Variants in CLSPN observed in about 807,000 individuals in gnomAD.
The protein encoded by CLSPN is claspin.
CLSPN carries 85 observed loss-of-function variants against 156.3 expected under a neutral mutation model. The observed-to-expected ratio is 0.54, with a 90% CI of 0.46 to 0.65. CLSPN has a LOEUF of 0.65. Ranked by LOEUF, CLSPN falls within the 30% of genes least tolerant of loss-of-function variation. The probability of loss-of-function intolerance (pLI) is 0.00; values close to 1 mark genes in which losing one functional copy is unlikely to be tolerated. For missense variants in CLSPN, 1,407 were observed against 1,554.9 expected (o/e 0.90, Z 1.60); for synonymous variants, 534 against 542.4 (o/e 0.98, Z 0.22).
At chr1:35,725,568 C>T (rs566703353) in intron 24 of CLSPN, among the ~76,000 whole-genome samples, 22 of 146,288 alleles carry the variant, frequency 1.5e-4, no homozygotes, top group Admixed American at 1.3e-3. Context: ...CCACCCCATT[C>T]ATCAGTAGGA....
downstream of CLSPN, among the ~76,000 whole-genome samples, chr1:35,728,380 C>G (rs557286633): frequency 3.3e-5 from 5 of 152,236 alleles, no homozygotes; most frequent in South Asian, 1.0e-3. Context: ...CCATGCCTGG[C>G]CCAAAACCAC....
Position 35,764,712 on chromosome 1 carries a change from A to G in CLSPN, c.136T>C (p.Ser46Pro). The G allele has an allele frequency of 6.4e-7, 1 of 1,556,368 alleles. No homozygotes were observed. The highest frequency in any genetic ancestry group is 1.2e-5 in the South Asian group (1 of 81,646). Residue 46 changes from serine to proline, a missense_variant and splice_region_variant, in exon 3 of 25, where the codon TCA (serine) becomes CCA (proline). By Grantham distance (74) the Ser-to-Pro change is moderately conservative. Coordinates refer to ENST00000318121, the MANE Select transcript of CLSPN (RefSeq NM_022111.4). ...ETIGPLSEGD[S>P]DEEIFVSKKL... Reference sequence around the variant, plus strand: ...TTACTTACAAATATCTCTTCATCTGAATCTGGAGGAAACAATTTTCTTTTA... The same window carrying G: ...TTACTTACAAATATCTCTTCATCTGGATCTGGAGGAAACAATTTTCTTTTA...
Position 35,732,505 on chromosome 1 carries a change from A to G in CLSPN, c.*3991T>C. 1 of 985,450 alleles carries G rather than the reference A, an allele frequency of 1.0e-6. No homozygotes were observed. Among genetic ancestry groups the G allele is most frequent in the Non-Finnish European group, 1.2e-6 (1 of 829,926 alleles). The allele number at this position is 985,450 out of a possible 1,614,324, so 61.0% of individuals were successfully genotyped here. Reference sequence around the variant, plus strand: ...TGAATAAAATCTTATGGTTTATGGAAGAGACCCTAGTATGGCTGTGCAACT... The same window carrying G: ...TGAATAAAATCTTATGGTTTATGGAGGAGACCCTAGTATGGCTGTGCAACT... On this transcript the variant is annotated 3_prime_UTR_variant, in exon 25 of 25. Coordinates refer to ENST00000318121, the MANE Select transcript of CLSPN (RefSeq NM_022111.4).
rs34390044 is a variant in CLSPN at position 35,746,946 on chromosome 1, G to C, written c.2674C>G (p.Pro892Ala). The change falls in exon 15 of 25, where the codon CCT becomes GCT. Residue 892 changes from proline to alanine, a missense_variant. Physicochemically the swap from Pro to Ala is conservative, Grantham distance 27 (BLOSUM62 -1). Coordinates refer to ENST00000318121, the MANE Select transcript of CLSPN (RefSeq NM_022111.4). The surrounding 1 kb of genome is among the most constrained non-coding windows in gnomAD (Gnocchi z 4.2). ...NHRNQYQALK[P>A]RLPLASMDEN... ...TCCATACTGGCCAATGGCAATCGAGGCTTCAAAGCTTGGTACTGATTCCTG... is the reference window on the plus strand; with the variant it reads ...TCCATACTGGCCAATGGCAATCGAGCCTTCAAAGCTTGGTACTGATTCCTG... 3 of 1,614,126 alleles carry C rather than the reference G, an allele frequency of 1.9e-6. No homozygotes were observed. The highest frequency in any genetic ancestry group is 1.1e-5 in the South Asian group (1 of 91,078).
chr1:35,740,349 T>A (rs114362376), intron 18 of CLSPN, among the ~76,000 whole-genome samples: 230 of 152,234 alleles, frequency 1.5e-3, no homozygotes, highest in African/African-American at 5.3e-3. Context: ...TGGTCCCATG[T>A]GGTCCAAAAT....
At chr1:35,722,016 G>A (rs1370679950) in intron 24 of CLSPN, among the ~76,000 whole-genome samples, 1 of 151,642 alleles carries the variant, frequency 6.6e-6, no homozygotes, top group African/African-American at 2.4e-5. Flanking sequence ...GTGCGCGTCT[G>A]TAATCCCAGC....
At chr1:35,748,816 AGTTCT>A in intron 12 of CLSPN, 1 of 486,686 alleles carries the variant, frequency 2.1e-6, no homozygotes. Flanking sequence ...GACACTTGAA[AGTTCT>A]TTTTTTTTTT....
downstream of CLSPN, chr1:35,732,094 T>G: frequency 1.1e-6 from 1 of 936,578 alleles, no homozygotes; most frequent in Non-Finnish European, 1.3e-6. Context: ...AGTATCCTCA[T>G]TTTATAAACA....
intron 24 of CLSPN, among the ~76,000 whole-genome samples, chr1:35,726,784 G>A (rs1641201900): frequency 1.3e-5 from 2 of 152,220 alleles, no homozygotes; most frequent in Admixed American, 1.3e-4. Flanking sequence ...CGGACGAGGA[G>A]CAGGGGAAGG....
rs1641372698 is a variant in CLSPN at position 35,733,526 on chromosome 1, G to C, written c.*2970C>G. On this transcript the variant is annotated 3_prime_UTR_variant, in exon 25 of 25. Coordinates refer to ENST00000318121, the MANE Select transcript of CLSPN (RefSeq NM_022111.4). ...AGACATGTAGGGAAACAAGAGGGAA[G>C]AAATATCTAGCCTTCCTGCTCAGTT... 1 of 985,306 alleles carries C rather than the reference G, an allele frequency of 1.0e-6. No individual in the cohort carries two copies. The allele number at this position is 985,306 out of a possible 1,614,324, so 61.0% of individuals were successfully genotyped here. A position where few individuals can be genotyped will look rare whatever the true frequency, so the allele number is the denominator to read the frequency against.
intron 1 of CLSPN, among the ~76,000 whole-genome samples, chr1:35,767,465 T>G (rs1212199695): frequency 6.6e-6 from 1 of 152,154 alleles, no homozygotes; most frequent in Non-Finnish European, 1.5e-5. Context: ...GTTGAACATC[T>G]CTAACCTGAA....
intron 16 of CLSPN, among the ~76,000 whole-genome samples, chr1:35,744,401 A>C (rs575800677): frequency 6.6e-6 from 1 of 152,322 alleles, no homozygotes; most frequent in Admixed American, 6.5e-5. Context: ...TCCCAGGCTC[A>C]AGCAATTCTC....
In CLSPN at chr1:35,749,857, A is replaced by G. The variant is rs772180774; in HGVS notation, c.2029-46T>C. On this transcript the variant is annotated intron_variant, in intron 10 of 24. Transcript: ENST00000318121. ...CAAAACAAAAAATACAAGTCAAAACATTTAAAAGCAAATACACTGGTAGCC... is the reference window on the plus strand; with the variant it reads ...CAAAACAAAAAATACAAGTCAAAACGTTTAAAAGCAAATACACTGGTAGCC... 6.3e-6 allele frequency: 10 copies of G among 1,584,576 alleles called. No individual in the cohort carries two copies. In the South Asian group the frequency reaches 9.3e-5, roughly 15 times the overall value.
chr1:35,736,389 T>C lies in CLSPN; in HGVS notation c.*107A>G. Reference sequence around the variant, plus strand: ...ATTTCTGTCTGCAATCTTATTGCATTGATTATGAAAGAAGGAAGGATCATT... The same window carrying C: ...ATTTCTGTCTGCAATCTTATTGCATCGATTATGAAAGAAGGAAGGATCATT... On this transcript the variant is annotated 3_prime_UTR_variant, in exon 25 of 25. Transcript: ENST00000318121. 1 of 1,442,816 alleles carries C rather than the reference T, an allele frequency of 6.9e-7. No individual in the cohort carries two copies. The highest frequency in any genetic ancestry group is 2.4e-5 in the East Asian group (1 of 41,016). 89.4% of individuals were successfully genotyped at this position (1,442,816 alleles called of 1,614,324 possible).
rs745858228 is a variant in CLSPN at position 35,743,520 on chromosome 1, C to T, written c.2977G>A (p.Asp993Asn). 5 of 1,612,762 alleles carry T rather than the reference C, an allele frequency of 3.1e-6. No individual in the cohort carries two copies. Among genetic ancestry groups the T allele is most frequent in the South Asian group, 1.1e-5 (1 of 91,034 alleles). ...GSFPTDKEEE[D>N]EEEEFGDFRL... is the part of the protein sequence containing the mutation. Reference sequence around the variant, plus strand: ...AAGTCTCCAAATTCCTCCTCCTCGTCTTCCTCTTCCCTAAAATGTAAATCA... The same window carrying T: ...AAGTCTCCAAATTCCTCCTCCTCGTTTTCCTCTTCCCTAAAATGTAAATCA... Residue 993 changes from aspartate to asparagine, a missense_variant, in exon 17 of 25, where the codon GAC becomes AAC. Asp to Asn is a conservative substitution (Grantham distance 23). Around this residue, in one of 3 missense-constraint regions of CLSPN, gnomAD observed 1,096 missense variants for 1,193.0 expected, o/e 0.92. Coordinates refer to ENST00000318121, the MANE Select transcript of CLSPN (RefSeq NM_022111.4).
chr1:35,739,581 A>G lies in CLSPN; in HGVS notation c.3144-52T>C, dbSNP rs569216799. On this transcript the variant is annotated intron_variant, in intron 18 of 24. Coordinates refer to ENST00000318121, the MANE Select transcript of CLSPN (RefSeq NM_022111.4). ...AATGCAACAATGAATATACTCACAGAATATGGAAGCAAAGAAAAGCAGAAC... is the reference window on the plus strand; with the variant it reads ...AATGCAACAATGAATATACTCACAGGATATGGAAGCAAAGAAAAGCAGAAC... 5.1e-6 allele frequency: 7 copies of G among 1,385,146 alleles called. No homozygotes were observed. In the East Asian group the frequency reaches 1.6e-4, roughly 32 times the overall value. 85.8% of individuals were successfully genotyped at this position (1,385,146 alleles called of 1,614,324 possible). A position where few individuals can be genotyped will look rare whatever the true frequency, so the allele number is the denominator to read the frequency against.
Position 35,748,190 on chromosome 1 carries a change from T to C in CLSPN, c.2473-129A>G, listed in dbSNP as rs1326753384. 28 of 1,090,166 alleles carry C rather than the reference T, an allele frequency of 2.6e-5. No individual in the cohort carries two copies. The South Asian group carries it at 4.1e-4, about 16-fold the overall frequency. 67.5% of individuals were successfully genotyped at this position (1,090,166 alleles called of 1,614,324 possible). A position where few individuals can be genotyped will look rare whatever the true frequency, so the allele number is the denominator to read the frequency against. On this transcript the variant is annotated intron_variant, in intron 13 of 24. Coordinates refer to ENST00000318121, the MANE Select transcript of CLSPN (RefSeq NM_022111.4). ...AGGAAATTGTAGTTGAGGGGGACAA[T>C]ACACAGCCATGAGAAGCATAAAGAA...
intron 12 of CLSPN, 131 bp from the exon 13 acceptor site, chr1:35,748,735 C>A: frequency 8.2e-6 from 5 of 606,774 alleles, no homozygotes; most frequent in Non-Finnish European, 1.2e-5. Context: ...TGTTCCAAAA[C>A]ATTAAGTTAA....
chr1:35,726,475 TG>T (rs11294664), intron 24 of CLSPN, among the ~76,000 whole-genome samples: 24,982 of 151,956 alleles, frequency 0.16, 3,388 homozygotes, highest in East Asian at 0.7. Flanking sequence ...CAATGCTGGG[TG>T]GTGGTGGTGG....
Sources: allele counts gnomAD v4.1 joint callset (sites outside exome capture counted in the v4.1 genomes callset), GRCh38; gene constraint gnomAD v4.1.1; regional missense constraint gnomAD v4.1.1; non-coding constraint Gnocchi (gnomAD v3.1); transcripts MANE v1.5; gene names NCBI Gene and HGNC (gene_info 2026-07-23, HGNC 2026-07-21).